The following ARL17A variants were observed in gnomAD, a reference collection of about 807,000 sequenced individuals.
The protein encoded by ARL17A is ARF like GTPase 17A.
intron 3 of ARL17A, among the ~76,000 whole-genome samples, chr17:46,568,375 AAAAT>A (rs1276734763): frequency 1.6e-5 from 2 of 123,574 alleles, no homozygotes; most frequent in East Asian, 5.3e-4. Flanking sequence ...GAAATGAACC[AAAAT>A]CTAATCAAGT....
At chr17:46,500,505 C>A in the ARL17A span, among the ~76,000 whole-genome samples, 1 of 149,778 alleles carries the variant, frequency 6.7e-6, no homozygotes, top group African/African-American at 2.5e-5. Context: ...TTTGTGGCAC[C>A]TCCACTTCAG....
the ARL17A span, among the ~76,000 whole-genome samples, chr17:46,501,717 G>A: frequency 6.6e-6 from 1 of 151,176 alleles, no homozygotes; most frequent in East Asian, 1.9e-4. Context: ...CTCATTGTAT[G>A]CCTCAATTCA....
chr17:46,529,313 G>C (rs982133521), intron 4 of ARL17A, among the ~76,000 whole-genome samples: 4 of 97,348 alleles, frequency 4.1e-5, no homozygotes, highest in South Asian at 3.7e-4. Context: ...ATCTAATAAG[G>C]CATATTTAAT....
chr17:46,558,552 A>C (rs1345899969), intron 3 of ARL17A, among the ~76,000 whole-genome samples: 2 of 70,806 alleles, frequency 2.8e-5, no homozygotes, highest in African/African-American at 5.0e-5. Context: ...ATGCCCGGCC[A>C]ATTTTTTTTT....
chr17:46,557,783 AAAG>A (rs1458201585), intron 3 of ARL17A, among the ~76,000 whole-genome samples, 153 bp from the exon 4 acceptor site: 2 of 64,698 alleles, frequency 3.1e-5, no homozygotes, highest in Non-Finnish European at 2.6e-5. Context: ...AGGCTTTGCA[AAAG>A]AAGAAGGTGG....
downstream of ARL17A, chr17:46,549,156 A>T (rs753875943): frequency 5.0e-6 from 8 of 1,611,540 alleles, no homozygotes; most frequent in Admixed American, 1.7e-5. Context: ...TGATGCTCGC[A>T]AACAGGCTTC....
chr17:46,501,271 G>T, the ARL17A span, among the ~76,000 whole-genome samples: 2 of 151,042 alleles, frequency 1.3e-5, no homozygotes, highest in East Asian at 3.9e-4. Flanking sequence ...CGCCTCCCGG[G>T]TTCACGCGAT....
chr17:46,521,026 A>G (rs2144910841), intron 3 of ARL17A, among the ~76,000 whole-genome samples: 1 of 81,140 alleles, frequency 1.2e-5, no homozygotes, highest in East Asian at 2.4e-4. Flanking sequence ...ATATTAAAAC[A>G]GATGTTTAAA....
intron 3 of ARL17A, among the ~76,000 whole-genome samples, chr17:46,540,472 C>A (rs1343759446): frequency 1.4e-5 from 2 of 147,834 alleles, no homozygotes; most frequent in African/African-American, 5.2e-5. Flanking sequence ...AGATTTGGAA[C>A]ATGTAGACAC....
At chr17:46,532,038 G>A (rs908858248) in intron 4 of ARL17A, among the ~76,000 whole-genome samples, 1 of 150,026 alleles carries the variant, frequency 6.7e-6, no homozygotes, top group African/African-American at 2.5e-5. Flanking sequence ...ATGTTCAGGT[G>A]ACGCCATTAC....
At chr17:46,503,431 AC>A in the ARL17A span, among the ~76,000 whole-genome samples, 178 of 144,400 alleles carry the variant, frequency 1.2e-3, no homozygotes, top group East Asian at 1.4e-3. Flanking sequence ...GAGCTTATAA[AC>A]CAGTGACAGA....
At chr17:46,545,781 T>C (rs1337232578) in intron 3 of ARL17A, among the ~76,000 whole-genome samples, 6 of 147,500 alleles carry the variant, frequency 4.1e-5, no homozygotes, top group Admixed American at 3.3e-4. Context: ...TGTCCAGATT[T>C]GACCAATGCA....
intron 4 of ARL17A, among the ~76,000 whole-genome samples, chr17:46,534,351 A>G (rs371285258): frequency 6.9e-6 from 1 of 144,404 alleles, no homozygotes; most frequent in Non-Finnish European, 1.5e-5. Context: ...GCGGCCTTCC[A>G]CAGTGTTTGT....
chr17:46,542,648 T>TGG lies in ARL17A; in HGVS notation c.260-4224_260-4223dup, dbSNP rs770687258. ...AGGTGGAGGTTGCAGTGAGCCAAGATGGCACCACTGCACTCCAGCTTGGGT... is the reference window on the plus strand; with the variant it reads ...AGGTGGAGGTTGCAGTGAGCCAAGATGGGGCACCACTGCACTCCAGCTTGGGT... On this transcript the variant is annotated intron_variant, in intron 3 of 4. Coordinates refer to the ARL17A transcript ENST00000329240. Among the ~76,000 whole-genome samples the TGG allele has an allele frequency of 8.7e-4, 131 of 150,436 alleles. 2 individuals carry two copies. The highest frequency in any genetic ancestry group is 1.4e-3 in the Non-Finnish European group (96 of 68,016).
chr17:46,541,866 G>A (rs1423049048), intron 3 of ARL17A, among the ~76,000 whole-genome samples: 1 of 150,276 alleles, frequency 6.7e-6, no homozygotes, highest in Non-Finnish European at 1.5e-5. Flanking sequence ...ATCTGCAGGG[G>A]GTCCTGGAGC....
At chr17:46,569,443 CTGTT>C (rs1568004716) in intron 3 of ARL17A, among the ~76,000 whole-genome samples, 2 of 149,746 alleles carry the variant, frequency 1.3e-5, no homozygotes. Flanking sequence ...ATGCTTATAA[CTGTT>C]GAGGCTTGGT....
At chr17:46,543,089 A>T (rs1186380180) in intron 3 of ARL17A, among the ~76,000 whole-genome samples, 3 of 149,816 alleles carry the variant, frequency 2.0e-5, no homozygotes, top group Non-Finnish European at 4.4e-5. Flanking sequence ...GATAGTGAGG[A>T]TCTGTCTGCT....
At chr17:46,557,876 AAC>A (rs2057366759) in intron 3 of ARL17A, among the ~76,000 whole-genome samples, 1 of 74,850 alleles carries the variant, frequency 1.3e-5, no homozygotes, top group Admixed American at 1.5e-4. Context: ...GGCAGCAGGT[AAC>A]ACACAATCAT....
intron 3 of ARL17A, among the ~76,000 whole-genome samples, chr17:46,521,544 C>G (rs1476800699): frequency 1.7e-5 from 1 of 58,770 alleles, no homozygotes; most frequent in African/African-American, 5.8e-5. Context: ...CCTGTTTATG[C>G]TCAGAAGAAA....
Sources: gnomAD v4.1 joint callset for allele counts (sites outside exome capture counted in the v4.1 genomes callset) on GRCh38, gnomAD v4.1.1 for gene constraint, MANE v1.5 for transcripts, NCBI Gene and HGNC (gene_info 2026-07-23, HGNC 2026-07-21) for gene names.